HS6ST3: variants seen among roughly 807,000 people sequenced by gnomAD.
HS6ST3 encodes heparan-sulfate 6-O-sulfotransferase 3.
A neutral mutation model predicts 36.7 loss-of-function variants in HS6ST3; 12 were observed. The observed-to-expected ratio is 0.33, with a 90% confidence interval of 0.21 to 0.53. The LOEUF is 0.53. HS6ST3 is among the 20% of genes least tolerant of loss of function. HS6ST3 has a pLI of 0.95. For synonymous variants in HS6ST3, 240 were observed against 257.5 expected, an observed-to-expected ratio of 0.93 and a Z score of 0.65; for missense variants, 584 against 640.9, an observed-to-expected ratio of 0.91 and a Z score of 0.96.
chr13:96,417,046 G>A (rs889400024), intron 1 of HS6ST3, among the ~76,000 whole-genome samples: 3 of 152,128 alleles, frequency 2.0e-5, no homozygotes, highest in Admixed American at 6.5e-5. Flanking sequence ...CACCGCGCCC[G>A]GCCGGCATGG....
intron 1 of HS6ST3, among the ~76,000 whole-genome samples, chr13:96,505,196 G>A (rs1323632548): frequency 6.6e-6 from 1 of 152,140 alleles, no homozygotes. Context: ...TCACATGGGG[G>A]AATTCCCAAA....
In HS6ST3 at chr13:96,450,622, A is replaced by G. The variant is rs941370910; in HGVS notation, c.707+359053A>G. Among the ~76,000 whole-genome samples, 4 of 152,150 alleles carry G rather than the reference A, an allele frequency of 2.6e-5. No homozygotes were observed. In the East Asian group the frequency reaches 7.7e-4, roughly 29 times the overall value. On this transcript the variant is annotated intron_variant, in intron 1 of 1. Coordinates refer to ENST00000376705, the MANE Select transcript of HS6ST3 (RefSeq NM_153456.4). ...ATCAGTTTCACAAGAAGTTGAGATGATTGTCTTGAGCATATAAATTGCCCC... is the reference window on the plus strand; with the variant it reads ...ATCAGTTTCACAAGAAGTTGAGATGGTTGTCTTGAGCATATAAATTGCCCC...
chr13:96,345,516 A>C (rs2055149400), intron 1 of HS6ST3, among the ~76,000 whole-genome samples: 1 of 151,942 alleles, frequency 6.6e-6, no homozygotes, highest in Non-Finnish European at 1.5e-5. Flanking sequence ...GAATCCATTT[A>C]CTCCCCACTC....
chr13:96,408,025 C>T (rs1167742308), intron 1 of HS6ST3, among the ~76,000 whole-genome samples: 1 of 152,142 alleles, frequency 6.6e-6, no homozygotes, highest in Non-Finnish European at 1.5e-5. Context: ...ACTGCAACCT[C>T]CGCCCCTGGG....
At chr13:96,246,069 ATTC>A (rs2054583652) in intron 1 of HS6ST3, among the ~76,000 whole-genome samples, 1 of 152,224 alleles carries the variant, frequency 6.6e-6, no homozygotes, top group Admixed American at 6.5e-5. Flanking sequence ...AATGAAATAT[ATTC>A]TTTATTAGAT....
chr13:96,143,448 T>C (rs1184113985), intron 1 of HS6ST3, among the ~76,000 whole-genome samples: 1 of 148,610 alleles, frequency 6.7e-6, no homozygotes, highest in Non-Finnish European at 1.5e-5. Context: ...TATGTTTATA[T>C]AAATATATAA....
chr13:96,659,723 A>G (rs1413720822), intron 1 of HS6ST3, among the ~76,000 whole-genome samples: 1 of 152,120 alleles, frequency 6.6e-6, no homozygotes, highest in Non-Finnish European at 1.5e-5. Context: ...ATAGCTATCT[A>G]ATTGCTCCAG....
At chr13:96,323,157 A>G (rs1461041865) in intron 1 of HS6ST3, among the ~76,000 whole-genome samples, 1 of 152,162 alleles carries the variant, frequency 6.6e-6, no homozygotes, top group African/African-American at 2.4e-5. Context: ...CTCATGATTA[A>G]TATATCGAAT....
chr13:96,827,994 T>C (rs150827610), intron 1 of HS6ST3, among the ~76,000 whole-genome samples: 1 of 152,356 alleles, frequency 6.6e-6, no homozygotes, highest in African/African-American at 2.4e-5. Flanking sequence ...CACACAACTT[T>C]ATCATCAGTA....
At chr13:96,544,002 G>A (rs910917195) in intron 1 of HS6ST3, among the ~76,000 whole-genome samples, 1 of 150,830 alleles carries the variant, frequency 6.6e-6, no homozygotes, top group Non-Finnish European at 1.5e-5. Flanking sequence ...ACTAGTTCAG[G>A]GTAAGGGAGA....
At chr13:96,768,721 A>C (rs531541476) in intron 1 of HS6ST3, among the ~76,000 whole-genome samples, 1 of 152,100 alleles carries the variant, frequency 6.6e-6, no homozygotes, top group East Asian at 2.0e-4. Context: ...CATGCAAATG[A>C]TGCCATCGAT....
intron 1 of HS6ST3, among the ~76,000 whole-genome samples, chr13:96,563,250 C>T (rs2138956760): frequency 6.6e-6 from 1 of 152,182 alleles, no homozygotes; most frequent in Non-Finnish European, 1.5e-5. Flanking sequence ...GACCCTATTC[C>T]TGGTTAAATT....
chr13:96,726,261 A>G (rs1488032115), intron 1 of HS6ST3, among the ~76,000 whole-genome samples: 1 of 152,214 alleles, frequency 6.6e-6, no homozygotes, highest in Non-Finnish European at 1.5e-5. Context: ...CAACTTCTAC[A>G]GAAGTTCCTG....
At chr13:96,250,279 A>G (rs926507858) in intron 1 of HS6ST3, among the ~76,000 whole-genome samples, 2 of 152,174 alleles carry the variant, frequency 1.3e-5, no homozygotes, top group African/African-American at 4.8e-5. Context: ...GGTGGATTGA[A>G]TGGTGATCCC....
chr13:96,721,860 A>G (rs537551824), intron 1 of HS6ST3, among the ~76,000 whole-genome samples: 17 of 152,342 alleles, frequency 1.1e-4, no homozygotes, highest in Admixed American at 3.9e-4. Context: ...ATAAATATAA[A>G]GGGTCTTATT....
chr13:96,686,183 ACACAGCTT>A (rs1874772395), intron 1 of HS6ST3, among the ~76,000 whole-genome samples: 1 of 151,972 alleles, frequency 6.6e-6, no homozygotes, highest in Non-Finnish European at 1.5e-5. Context: ...TTCCTTAGAA[ACACAGCTT>A]GAAAACCTTC....
At chr13:96,376,217 A>G (rs1384108668) in intron 1 of HS6ST3, among the ~76,000 whole-genome samples, 1 of 152,210 alleles carries the variant, frequency 6.6e-6, no homozygotes, top group African/African-American at 2.4e-5. Context: ...CTAAGATACA[A>G]GTTTATCTTT....
At chr13:96,550,190 T>C (rs3848013) in intron 1 of HS6ST3, among the ~76,000 whole-genome samples, 26,154 of 152,118 alleles carry the variant, frequency 0.17, 3,079 homozygotes, top group African/African-American at 0.34. Context: ...ATGTTTGGGT[T>C]GTGGAGGTGG....
intron 1 of HS6ST3, among the ~76,000 whole-genome samples, chr13:96,788,792 A>T (rs1221567442): frequency 6.6e-6 from 1 of 151,910 alleles, no homozygotes; most frequent in African/African-American, 2.4e-5. Flanking sequence ...TTTTATCCAC[A>T]GTAATTTTCT....
Sources: allele counts gnomAD v4.1 joint callset (sites outside exome capture counted in the v4.1 genomes callset), GRCh38; gene constraint gnomAD v4.1.1; transcripts MANE v1.5; gene names NCBI Gene and HGNC (gene_info 2026-07-23, HGNC 2026-07-21).